Variants in ACTR3B observed in about 807,000 individuals in gnomAD.
The protein encoded by ACTR3B is actin-related protein 3B.
Under a neutral mutation model 59.0 loss-of-function variants are expected in ACTR3B, and 8 were observed. That is an observed-to-expected ratio of 0.14 (90% CI 0.08 to 0.24). ACTR3B has a LOEUF of 0.24. Ranked by LOEUF, ACTR3B falls within the 10% of genes least tolerant of loss-of-function variation. The pLI, the probability that ACTR3B is intolerant of heterozygous loss-of-function variation, is 1.00. For missense variants in ACTR3B, 245 were observed against 552.3 expected, an observed-to-expected ratio of 0.44 and a Z score of 5.58; for synonymous variants, 148 against 197.9, an observed-to-expected ratio of 0.75 and a Z score of 2.12.
intron 1 of ACTR3B, among the ~76,000 whole-genome samples, chr7:152,781,332 C>T (rs2098153097): frequency 6.6e-6 from 1 of 151,186 alleles, no homozygotes; most frequent in African/African-American, 2.4e-5. Flanking sequence ...TTTCAGCATC[C>T]CTCTTGCAAA....
Position 152,825,044 on chromosome 7 carries a change from C to T in ACTR3B, c.873C>T (p.Asp291=), listed in dbSNP as rs776650633. Residue 291 remains aspartate, a synonymous_variant, in exon 9 of 12, where the codon GAC becomes GAT. Transcript: ENST00000256001. ...IFFHPEFANP[D]FMESISDVVD... ...ACACAATTCAGTTTGCCAACCCAGACTTTATGGAGTCCATCTCAGATGTTG... is the reference window on the plus strand; with the variant it reads ...ACACAATTCAGTTTGCCAACCCAGATTTTATGGAGTCCATCTCAGATGTTG... 16 of 1,613,276 alleles carry T rather than the reference C, an allele frequency of 9.9e-6. No individual in the cohort carries two copies. In the East Asian group the frequency reaches 3.6e-4, roughly 36 times the overall value.
At chr7:152,835,852 G>A (rs569455488) in intron 9 of ACTR3B, among the ~76,000 whole-genome samples, 1 of 152,044 alleles carries the variant, frequency 6.6e-6, no homozygotes, top group African/African-American at 2.4e-5. Flanking sequence ...ATCTCAAGAG[G>A]GCGACCATTT....
At chr7:152,845,076 A>T (rs1252272379) in intron 9 of ACTR3B, among the ~76,000 whole-genome samples, 12 of 149,514 alleles carry the variant, frequency 8.0e-5, no homozygotes, top group Non-Finnish European at 1.3e-4. Flanking sequence ...TTGCTGTCTT[A>T]TCCACCACCT....
chr7:152,797,886 A>T (rs1371695032), intron 2 of ACTR3B, among the ~76,000 whole-genome samples: 1 of 152,128 alleles, frequency 6.6e-6, no homozygotes, highest in African/African-American at 2.4e-5. Flanking sequence ...TAAATGGCTG[A>T]ATAGTATTCC....
rs1404096792 is a variant in ACTR3B, at chr7:152,816,531, T to A, written c.483T>A (p.Arg161=). 1 of 1,608,228 alleles carries A rather than the reference T, an allele frequency of 6.2e-7. No individual in the cohort carries two copies. Residue 161 remains arginine, a synonymous_variant, in exon 6 of 12, where the codon CGT becomes CGA. Transcript: ENST00000256001. ...GGACATCTCGACAAGTGGGTGAACG[T>A]ACGTTAACGGGGATAGTCATTGACA... ...ASWTSRQVGE[R]TLTGIVIDSG... is the part of the protein sequence containing the mutation.
At chr7:152,799,915 A>T (rs1338678855) in intron 2 of ACTR3B, among the ~76,000 whole-genome samples, 2 of 152,312 alleles carry the variant, frequency 1.3e-5, no homozygotes, top group South Asian at 4.1e-4. Context: ...TAAGATTAAG[A>T]TCTTATTAAA....
chr7:152,852,866 A>C (rs549788062), intron 10 of ACTR3B, among the ~76,000 whole-genome samples: 5 of 149,810 alleles, frequency 3.3e-5, no homozygotes, highest in Non-Finnish European at 7.4e-5. Flanking sequence ...ATCTCGGCTC[A>C]TAGCAAGCTC....
At chr7:152,776,616 TA>T (rs1194297670) in intron 1 of ACTR3B, among the ~76,000 whole-genome samples, 60 of 152,128 alleles carry the variant, frequency 3.9e-4, no homozygotes, top group African/African-American at 1.3e-3. Context: ...AATAAGTAAA[TA>T]AATCACTGCA....
chr7:152,848,336 A>G (rs936827385), intron 9 of ACTR3B, among the ~76,000 whole-genome samples: 10 of 152,194 alleles, frequency 6.6e-5, no homozygotes, highest in Admixed American at 5.9e-4. Context: ...CCCCTGACAT[A>G]TGGGCTGTTA....
chr7:152,801,780 C>T (rs747958436), intron 4 of ACTR3B, 49 bp downstream of exon 4: 13 of 655,998 alleles, frequency 2.0e-5, no homozygotes, highest in African/African-American at 7.5e-5. Flanking sequence ...TTCCAAATTG[C>T]TTAGATTTTA....
chr7:152,763,135 G>A (rs1191361455), intron 1 of ACTR3B, among the ~76,000 whole-genome samples: 6 of 151,864 alleles, frequency 4.0e-5, no homozygotes, highest in Non-Finnish European at 7.4e-5. Context: ...GGCCAACATG[G>A]TGAAACCCCG....
chr7:152,808,214 T>G (rs956328838), intron 4 of ACTR3B, among the ~76,000 whole-genome samples: 12 of 152,236 alleles, frequency 7.9e-5, no homozygotes, highest in African/African-American at 2.9e-4. Flanking sequence ...CCTTTCTTTT[T>G]AAGGCTGAAT....
intron 6 of ACTR3B, among the ~76,000 whole-genome samples, chr7:152,819,159 C>T (rs1248385795): frequency 1.3e-5 from 2 of 152,038 alleles, no homozygotes; most frequent in African/African-American, 4.8e-5. Context: ...CTTAAAATAC[C>T]TTACAAATAC....
chr7:152,780,059 A>G (rs1376083400), intron 1 of ACTR3B, among the ~76,000 whole-genome samples: 1 of 152,186 alleles, frequency 6.6e-6, no homozygotes, highest in Non-Finnish European at 1.5e-5. Flanking sequence ...TTGTTAACAC[A>G]TAAGAATATT....
Position 152,762,929 on chromosome 7 carries a change from G to C in ACTR3B, c.44+3003G>C, listed in dbSNP as rs140814647. On this transcript the variant is annotated intron_variant, in intron 1 of 11. Transcript: ENST00000256001. ...ATCGAAAGGCTTAAGATAGGGACTC[G>C]CCTCAGTCTTGATGAAGTTCACTTG... Among the ~76,000 whole-genome samples, 9 of 152,272 alleles carry C rather than the reference G, an allele frequency of 5.9e-5. No homozygotes were observed. In the East Asian group the frequency reaches 1.5e-3, roughly 26 times the overall value.
chr7:152,811,552 A>G (rs1795238379), intron 4 of ACTR3B: 1 of 152,164 alleles, frequency 6.6e-6, no homozygotes, highest in Admixed American at 6.5e-5. Context: ...TTTTTAATGT[A>G]TTTTATTTAT....
intron 1 of ACTR3B, among the ~76,000 whole-genome samples, chr7:152,771,922 A>G (rs912445265): frequency 5.9e-5 from 9 of 152,106 alleles, no homozygotes; most frequent in Admixed American, 1.3e-4. Context: ...AAAATTAGCC[A>G]GGTGTGGTGG....
At position 152,825,029 on chromosome 7, in the gene ACTR3B, G is replaced by A. The variant is rs893785505; in HGVS notation, c.859-1G>A. ...TTCTTTTATATTGATACACAATTCA[G>A]TTTGCCAACCCAGACTTTATGGAGT... On this transcript the variant is annotated splice_acceptor_variant, in intron 8 of 11. Transcript: ENST00000256001. LOFTEE classifies it high-confidence loss of function. 7 of 1,612,454 alleles carry A rather than the reference G, an allele frequency of 4.3e-6. No individual in the cohort carries two copies. The highest frequency in any genetic ancestry group is 5.9e-6 in the Non-Finnish European group (7 of 1,179,422).
chr7:152,831,939 G>T (rs1406351401), intron 9 of ACTR3B, among the ~76,000 whole-genome samples: 1 of 152,186 alleles, frequency 6.6e-6, no homozygotes, highest in Non-Finnish European at 1.5e-5. Context: ...TATCCTGAGG[G>T]TGTTGATGAT....
Sources: allele counts gnomAD v4.1 joint callset (sites outside exome capture counted in the v4.1 genomes callset), GRCh38; gene constraint gnomAD v4.1.1; transcripts MANE v1.5; gene names NCBI Gene and HGNC (gene_info 2026-07-23, HGNC 2026-07-21).